Variants in EBF3 observed in about 807,000 individuals in gnomAD.
EBF3 encodes EBF transcription factor 3, also known as transcription factor COE3.
Under a neutral mutation model 77.1 loss-of-function variants are expected in EBF3, and 18 were observed. That is an observed-to-expected ratio of 0.23 (90% CI 0.16 to 0.35). The LOEUF (loss-of-function observed/expected upper bound fraction) is 0.35. Among genes scored for constraint, EBF3 ranks in the 10% least tolerant of loss-of-function variants. The pLI is 1.00. For synonymous variants in EBF3, 350 were observed against 343.5 expected (o/e 1.02, Z -0.21); for missense variants, 558 against 860.0 (o/e 0.65, Z 4.39).
At chr10:129,884,666 C>G (rs947474251) in intron 6 of EBF3, among the ~76,000 whole-genome samples, 1 of 152,202 alleles carries the variant, frequency 6.6e-6, no homozygotes, top group Non-Finnish European at 1.5e-5. Flanking sequence ...GGGGGCTCCC[C>G]TCTCCAGGCG....
At chr10:129,932,069 C>T (rs1564901784) in intron 6 of EBF3, among the ~76,000 whole-genome samples, 1 of 152,176 alleles carries the variant, frequency 6.6e-6, no homozygotes. Context: ...TTATCTCTCC[C>T]AGAGGAGCAG....
intron 6 of EBF3, among the ~76,000 whole-genome samples, chr10:129,921,961 C>T (rs1482965979): frequency 1.3e-5 from 2 of 152,190 alleles, no homozygotes; most frequent in African/African-American, 2.4e-5. Flanking sequence ...GCCATTGACC[C>T]GCTGTCCCCT....
At chr10:129,868,307 G>A (rs1432914204) in intron 8 of EBF3, among the ~76,000 whole-genome samples, 1 of 152,200 alleles carries the variant, frequency 6.6e-6, no homozygotes, top group African/African-American at 2.4e-5. Context: ...CTTGCATTTC[G>A]ATTCCTCATA....
At chr10:129,925,011 G>C (rs939036259) in intron 6 of EBF3, among the ~76,000 whole-genome samples, 7 of 152,220 alleles carry the variant, frequency 4.6e-5, no homozygotes, top group African/African-American at 1.7e-4. Context: ...ACTCACAACT[G>C]CTAAAATGTG....
In EBF3 at chr10:129,943,258, A is replaced by C. The variant is rs1014707310; in HGVS notation, c.554+14000T>G. ...AGCGGCTCTCCACAAACAAATAAAC[A>C]GCAAATACTTACAGGAGACAGCCTT... On this transcript the variant is annotated intron_variant, in intron 6 of 16. Transcript: ENST00000440978. This position sits in a 1 kb window ranked among gnomAD's most constrained non-coding sequence, Gnocchi z 8.8. Among the ~76,000 whole-genome samples, 2 of 152,226 alleles carry C rather than the reference A, an allele frequency of 1.3e-5. No homozygotes were observed. The highest frequency in any genetic ancestry group is 2.9e-5 in the Non-Finnish European group (2 of 68,046).
In EBF3 at chr10:129,840,530, G is replaced by T. The variant is rs372968178; in HGVS notation, c.1562-88C>A. On this transcript the variant is annotated intron_variant, in intron 14 of 16. Coordinates refer to ENST00000440978, the MANE Select transcript of EBF3 (RefSeq NM_001375380.1). ...CCAAAGGCCTCGCCTCGGACGGGGG[G>T]GCAGGGGCACGAAAACAAAACATGA... The T allele has an allele frequency of 1.3e-4, 183 of 1,428,406 alleles. 1 individual carries two copies. In the East Asian group the frequency reaches 1.4e-3, roughly 11 times the overall value. 88.5% of individuals were successfully genotyped at this position (1,428,406 alleles called of 1,614,324 possible).
chr10:129,878,819 G>A (rs1411641906), intron 6 of EBF3, among the ~76,000 whole-genome samples: 1 of 10,900 alleles, frequency 9.2e-5, no homozygotes, highest in Non-Finnish European at 4.1e-4. Context: ...GTGAAAATCG[G>A]TCTCAAAAAA....
chr10:129,876,898 C>A (rs977028091), intron 7 of EBF3, among the ~76,000 whole-genome samples: 27 of 114,656 alleles, frequency 2.4e-4, no homozygotes, highest in African/African-American at 4.3e-4. Context: ...CCCCCCCCCC[C>A]CCCACCCAGC....
chr10:129,852,870 A>G (rs1850991276), intron 10 of EBF3, among the ~76,000 whole-genome samples: 1 of 152,234 alleles, frequency 6.6e-6, no homozygotes, highest in African/African-American at 2.4e-5. Context: ...GGTCCCCACC[A>G]GCTGTGGGAA....
intron 6 of EBF3, among the ~76,000 whole-genome samples, chr10:129,906,412 T>A (rs538890256): frequency 2.0e-5 from 3 of 152,318 alleles, no homozygotes; most frequent in South Asian, 2.1e-4. Context: ...TGCTGCAGAT[T>A]CCTCTAACTT....
At position 129,870,240 on chromosome 10, in the gene EBF3, GA is replaced by G. The variant is rs1852314438; in HGVS notation, c.782-2329del. On this transcript the variant is annotated intron_variant, in intron 8 of 16. Coordinates refer to ENST00000440978, the MANE Select transcript of EBF3 (RefSeq NM_001375380.1). The surrounding 1 kb of genome is among the most constrained non-coding windows in gnomAD (Gnocchi z 4.4). Reference sequence around the variant, plus strand: ...ACATTTCAGTGCACATATAGAGAGGGAACATGTGTTCAATGGGAACCATAGC... The same window carrying G: ...ACATTTCAGTGCACATATAGAGAGGGACATGTGTTCAATGGGAACCATAGC... Among the ~76,000 whole-genome samples the G allele has an allele frequency of 6.6e-6, 1 of 152,078 alleles. No homozygotes were observed. The highest frequency in any genetic ancestry group is 1.5e-5 in the Non-Finnish European group (1 of 68,022).
rs929731805 is a variant in EBF3, at chr10:129,863,705, T to C, written c.1039+3436A>G. The stretch of plus-strand genomic sequence containing the variant: ...GCTGGCTCAGTTTTCAGCGGGGGAG[T>C]GCAATTCCCGGTGATTACCTCATTG... On this transcript the variant is annotated intron_variant, in intron 10 of 16. Transcript: ENST00000440978. This position sits in a 1 kb window ranked among gnomAD's most constrained non-coding sequence, Gnocchi z 4.0. 4.0e-5 allele frequency among the ~76,000 whole-genome samples: 6 copies of C among 151,854 alleles called. No individual in the cohort carries two copies. Among genetic ancestry groups the C allele is most frequent in the East Asian group, 3.9e-4 (2 of 5,142 alleles).
At position 129,935,383 on chromosome 10, in the gene EBF3, C is replaced by T. The variant is rs925232109; in HGVS notation, c.554+21875G>A. On this transcript the variant is annotated intron_variant, in intron 6 of 16. Coordinates refer to ENST00000440978, the MANE Select transcript of EBF3 (RefSeq NM_001375380.1). This position sits in a 1 kb window ranked among gnomAD's most constrained non-coding sequence, Gnocchi z 4.2. Reference sequence around the variant, plus strand: ...TGGGGAAGGTGGGATCCTGTCCTGCCTGGCTCCAGCAGAAGGACCCAGTGC... The same window carrying T: ...TGGGGAAGGTGGGATCCTGTCCTGCTTGGCTCCAGCAGAAGGACCCAGTGC... 2.0e-5 allele frequency among the ~76,000 whole-genome samples: 3 copies of T among 152,152 alleles called. No individual in the cohort carries two copies. Among genetic ancestry groups the T allele is most frequent in the Non-Finnish European group, 4.4e-5 (3 of 68,016 alleles).
chr10:129,875,556 C>T lies in EBF3; in HGVS notation c.637-1960G>A, dbSNP rs554609541. ...GATGATGCAGCAGGGGCGGTACACA[C>T]GCATCCCACCCAAATGCCCTCATCG... is the stretch of plus-strand genomic sequence containing the variant. On this transcript the variant is annotated intron_variant, in intron 7 of 16. Coordinates refer to ENST00000440978, the MANE Select transcript of EBF3 (RefSeq NM_001375380.1). Among the ~76,000 whole-genome samples the T allele has an allele frequency of 1.4e-4, 22 of 152,340 alleles. No homozygotes were observed. In the South Asian group the frequency reaches 2.9e-3, roughly 20 times the overall value.
At chr10:129,950,530 G>A (rs1333740261) in intron 6 of EBF3, among the ~76,000 whole-genome samples, 1 of 152,154 alleles carries the variant, frequency 6.6e-6, no homozygotes, top group African/African-American at 2.4e-5. Flanking sequence ...AGATATGTCT[G>A]ACCTTTTTCT....
intron 6 of EBF3, among the ~76,000 whole-genome samples, chr10:129,922,894 C>T (rs928167629): frequency 1.3e-5 from 2 of 152,196 alleles, no homozygotes; most frequent in African/African-American, 2.4e-5. Context: ...TCCAGATGGG[C>T]TCAGGGTGAG....
chr10:129,875,946 C>A (rs957481409), intron 7 of EBF3, among the ~76,000 whole-genome samples: 1 of 152,240 alleles, frequency 6.6e-6, no homozygotes, highest in Non-Finnish European at 1.5e-5. Context: ...TGCAAAGATG[C>A]GTAACTAACA....
intron 6 of EBF3, among the ~76,000 whole-genome samples, chr10:129,895,389 T>C (rs1325762878): frequency 1.3e-5 from 2 of 152,228 alleles, no homozygotes; most frequent in African/African-American, 2.4e-5. Context: ...CGAATCTACC[T>C]GAGGCTCGGG....
intron 6 of EBF3, among the ~76,000 whole-genome samples, chr10:129,888,233 C>A (rs771744768): frequency 6.6e-6 from 1 of 152,190 alleles, no homozygotes; most frequent in Non-Finnish European, 1.5e-5. Context: ...GCCTTCTGGA[C>A]CTGAACCTCA....
Sources: allele counts gnomAD v4.1 joint callset (sites outside exome capture counted in the v4.1 genomes callset), GRCh38; gene constraint gnomAD v4.1.1; non-coding constraint Gnocchi (gnomAD v3.1); transcripts MANE v1.5; gene names NCBI Gene and HGNC (gene_info 2026-07-23, HGNC 2026-07-21).